The following SAE1 variants were observed in gnomAD, a reference collection of about 807,000 sequenced individuals.
The protein encoded by SAE1 is SUMO-activating enzyme subunit 1.
A neutral mutation model predicts 40.6 loss-of-function variants in SAE1; 11 were observed. The ratio of observed to expected loss-of-function variants is 0.27; its 90% confidence interval spans 0.17 to 0.45. The LOEUF (loss-of-function observed/expected upper bound fraction) is 0.45. SAE1 is among the 20% of genes least tolerant of loss of function. The pLI is 1.00. For missense variants in SAE1, 373 were observed against 427.3 expected, an observed-to-expected ratio of 0.87 and a Z score of 1.12; for synonymous variants, 155 against 154.3, an observed-to-expected ratio of 1.00 and a Z score of -0.03.
At chr19:47,158,623 G>A (rs933096788) in intron 5 of SAE1, among the ~76,000 whole-genome samples, 3 of 152,236 alleles carry the variant, frequency 2.0e-5, no homozygotes, top group Non-Finnish European at 4.4e-5. Context: ...ACCGAAAGAC[G>A]GACGTAGGGG....
In SAE1 at chr19:47,203,772, A is replaced by C. The variant is rs763457207; in HGVS notation, c.948+32A>C. 13 of 1,581,972 alleles carry C rather than the reference A, an allele frequency of 8.2e-6. No individual in the cohort carries two copies. In the East Asian group the frequency reaches 2.9e-4, roughly 35 times the overall value. Reference sequence around the variant, plus strand: ...CATCACTGTGGAGCAGAAAATTGTTAACCATGACTTTGTATATGTGCTGAC... The same window carrying C: ...CATCACTGTGGAGCAGAAAATTGTTCACCATGACTTTGTATATGTGCTGAC... On this transcript the variant is annotated intron_variant, in intron 8 of 8. Coordinates refer to ENST00000270225, the MANE Select transcript of SAE1 (RefSeq NM_005500.3).
chr19:47,140,069 C>G (rs1259874444), intron 1 of SAE1, among the ~76,000 whole-genome samples: 2 of 150,702 alleles, frequency 1.3e-5, no homozygotes, highest in African/African-American at 4.9e-5. Context: ...TCCCGAGTAG[C>G]TGAGATTACA....
chr19:47,153,939 G>A (rs915932135), intron 4 of SAE1, among the ~76,000 whole-genome samples: 4 of 151,800 alleles, frequency 2.6e-5, no homozygotes, highest in African/African-American at 9.7e-5. Flanking sequence ...TTACAGGCAT[G>A]CGTCACCATG....
intron 6 of SAE1, among the ~76,000 whole-genome samples, chr19:47,188,551 C>T (rs1439708861): frequency 1.3e-5 from 2 of 152,078 alleles, no homozygotes; most frequent in Non-Finnish European, 1.5e-5. Flanking sequence ...TTTTCTAGGG[C>T]GAGTGTGAGC....
Position 47,143,578 on chromosome 19 carries a change from A to G in SAE1, c.183A>G (p.Lys61=). The G allele has an allele frequency of 6.2e-7, 1 of 1,613,930 alleles. No homozygotes were observed. The highest frequency in any genetic ancestry group is 8.5e-7 in the Non-Finnish European group (1 of 1,179,900). ...IAKNLILAGV[K]GLTMLDHEQV... is the part of the protein sequence containing the mutation. ...AGAATCTCATCTTGGCAGGAGTGAA[A>G]GGACTGACCATGCTGGATCACGAAC... The change falls in exon 2 of 9, where the codon AAA becomes AAG. Residue 61 remains lysine (K), a synonymous_variant. Coordinates refer to ENST00000270225, the MANE Select transcript of SAE1 (RefSeq NM_005500.3).
chr19:47,139,391 G>T (rs1196635980), intron 1 of SAE1, among the ~76,000 whole-genome samples: 2 of 151,776 alleles, frequency 1.3e-5, no homozygotes, highest in Admixed American at 6.6e-5. Context: ...TTACTTTGTT[G>T]CCCAGGCTGG....
chr19:47,174,797 T>C lies in SAE1; in HGVS notation c.733+4874T>C, dbSNP rs562905429. Among the ~76,000 whole-genome samples the C allele has an allele frequency of 1.2e-4, 18 of 151,814 alleles. No individual in the cohort carries two copies. The South Asian group carries it at 3.7e-3, about 32-fold the overall frequency. On this transcript the variant is annotated intron_variant, in intron 6 of 8. Transcript: ENST00000270225. ...ACCATGTTAGCCAGGATGGTCTCGA[T>C]GTTCTGACCTCGTGATCCGCCTGCC...
At chr19:47,147,220 T>G (rs2058259876) in intron 2 of SAE1, among the ~76,000 whole-genome samples, 1 of 142,970 alleles carries the variant, frequency 7.0e-6, no homozygotes, top group Admixed American at 7.1e-5. Flanking sequence ...TTTTTTTTTT[T>G]TTTTTTTGAG....
At chr19:47,156,433 G>A (rs926719943) in intron 5 of SAE1, among the ~76,000 whole-genome samples, 1 of 151,686 alleles carries the variant, frequency 6.6e-6, no homozygotes, top group African/African-American at 2.4e-5. Flanking sequence ...GAGCCGAGAC[G>A]GCAACACTGC....
intron 6 of SAE1, among the ~76,000 whole-genome samples, chr19:47,195,733 CTTCTTTTT>C (rs1488589286): frequency 8.4e-6 from 1 of 118,936 alleles, no homozygotes; most frequent in Non-Finnish European, 1.7e-5. Flanking sequence ...TCCTTTTTTT[CTTCTTTTT>C]TTTTTTTTTT....
chr19:47,159,872 T>G (rs2058348114), intron 5 of SAE1, among the ~76,000 whole-genome samples: 1 of 152,090 alleles, frequency 6.6e-6, no homozygotes, highest in African/African-American at 2.4e-5. Flanking sequence ...TTTTGTATTT[T>G]TAGTAGAGAC....
chr19:47,139,610 CAG>C (rs979949538), intron 1 of SAE1, among the ~76,000 whole-genome samples: 5 of 128,648 alleles, frequency 3.9e-5, no homozygotes, highest in Admixed American at 8.3e-5. Context: ...TTTTTTGAGA[CAG>C]AGTCTCACTC....
chr19:47,147,202 T>G (rs1353193480), intron 2 of SAE1, among the ~76,000 whole-genome samples: 2 of 104,188 alleles, frequency 1.9e-5, no homozygotes, highest in Non-Finnish European at 3.4e-5. Flanking sequence ...TGTATGGGTT[T>G]TTTTTTTTTT....
At chr19:47,185,432 G>A (rs2123286404) in intron 6 of SAE1, among the ~76,000 whole-genome samples, 1 of 152,034 alleles carries the variant, frequency 6.6e-6, no homozygotes, top group South Asian at 2.1e-4. Flanking sequence ...AGCTTCCCAA[G>A]TAGCTGGGAT....
chr19:47,189,294 AC>A (rs1793425560), intron 6 of SAE1, among the ~76,000 whole-genome samples: 1 of 151,760 alleles, frequency 6.6e-6, no homozygotes, highest in Non-Finnish European at 1.5e-5. Flanking sequence ...GCAGTGGCTC[AC>A]GCCTGTAACC....
At chr19:47,208,091 G>A (rs530882024) in intron 8 of SAE1, among the ~76,000 whole-genome samples, 2 of 152,280 alleles carry the variant, frequency 1.3e-5, no homozygotes, top group East Asian at 3.9e-4. Context: ...CCCCGCTTCT[G>A]CATCAGTGTG....
At chr19:47,157,506 GA>G (rs1274140579) in intron 5 of SAE1, among the ~76,000 whole-genome samples, 12 of 152,222 alleles carry the variant, frequency 7.9e-5, no homozygotes, top group Non-Finnish European at 1.8e-4. Context: ...CATTCAAATG[GA>G]GAGAGTGCCT....
At chr19:47,182,494 TGTGCGCGCACGCACGCGC>T (rs892882584) in intron 6 of SAE1, among the ~76,000 whole-genome samples, 3 of 137,316 alleles carry the variant, frequency 2.2e-5, no homozygotes, top group African/African-American at 3.1e-5. Flanking sequence ...TGTGTGTGTG[TGTGCGCGCACGCACGCGC>T]GCGCGCACAC....
intron 1 of SAE1, among the ~76,000 whole-genome samples, chr19:47,139,582 G>T (rs2058204989): frequency 1.4e-5 from 2 of 140,558 alleles, no homozygotes; most frequent in South Asian, 4.5e-4. Flanking sequence ...CTGTGAATGT[G>T]TATCTTTTTT....
Sources: allele counts gnomAD v4.1 joint callset (sites outside exome capture counted in the v4.1 genomes callset), GRCh38; gene constraint gnomAD v4.1.1; transcripts MANE v1.5; gene names NCBI Gene and HGNC (gene_info 2026-07-23, HGNC 2026-07-21).